The following GRID1 variants were observed in gnomAD, a reference collection of about 807,000 sequenced individuals.
GRID1 encodes glutamate receptor ionotropic, delta-1.
GRID1 carries 28 observed loss-of-function variants against 98.0 expected under a neutral mutation model. The ratio of observed to expected loss-of-function variants is 0.29; its 90% CI spans 0.21 to 0.39. GRID1 has a LOEUF of 0.39. GRID1 is among the 10% of genes least tolerant of loss of function. The pLI, the probability that GRID1 is intolerant of heterozygous loss-of-function variation, is 1.00. For missense variants in GRID1, 1,111 were observed against 1,340.5 expected, an observed-to-expected ratio of 0.83 and a Z score of 2.67; for synonymous variants, 553 against 538.5, an observed-to-expected ratio of 1.03 and a Z score of -0.37.
intron 6 of GRID1, among the ~76,000 whole-genome samples, chr10:85,863,819 G>T (rs540702461): frequency 6.6e-6 from 1 of 152,194 alleles, no homozygotes; most frequent in Admixed American, 6.5e-5. Flanking sequence ...CTTCAGTCAC[G>T]TTTTATTAGG....
chr10:85,972,247 C>G (rs1216737126), intron 4 of GRID1, among the ~76,000 whole-genome samples: 1 of 151,342 alleles, frequency 6.6e-6, no homozygotes, highest in Non-Finnish European at 1.5e-5. Context: ...TCCCCCGGTA[C>G]AGCTAGGACT....
Position 85,821,338 on chromosome 10 carries a change from G to A in GRID1, c.1233+33158C>T, listed in dbSNP as rs111995647. Among the ~76,000 whole-genome samples the A allele has an allele frequency of 5.7e-3, 860 of 151,450 alleles. 8 individuals carry two copies. The highest frequency in any genetic ancestry group is 0.02 in the African/African-American group (808 of 41,326). ...TTGGAGCCCAGCAGACCAACATGGT[G>A]AAACCCCATCTCTACTAAAAATACA... is the stretch of plus-strand genomic sequence containing the variant. On this transcript the variant is annotated intron_variant, in intron 8 of 15. Transcript: ENST00000327946.
At chr10:86,283,863 C>T (rs1200663992) in intron 2 of GRID1, among the ~76,000 whole-genome samples, 3 of 151,354 alleles carry the variant, frequency 2.0e-5, no homozygotes, top group Non-Finnish European at 2.9e-5. Flanking sequence ...TGTCCTCTCA[C>T]ACACATCTGC....
intron 4 of GRID1, among the ~76,000 whole-genome samples, chr10:85,969,655 CA>C (rs1370216163): frequency 6.6e-6 from 1 of 151,870 alleles, no homozygotes; most frequent in Non-Finnish European, 1.5e-5. Context: ...ATGAGAAAAA[CA>C]TACAGAATAT....
intron 5 of GRID1, among the ~76,000 whole-genome samples, chr10:85,911,008 G>A (rs956061825): frequency 1.1e-4 from 17 of 152,052 alleles, no homozygotes; most frequent in Admixed American, 1.1e-3. Flanking sequence ...CAAGAAAGAA[G>A]TCACTCATCC....
intron 13 of GRID1, among the ~76,000 whole-genome samples, chr10:85,622,083 A>G (rs576993819): frequency 9.9e-4 from 150 of 152,138 alleles, no homozygotes; most frequent in Non-Finnish European, 4.7e-4. Flanking sequence ...ATGGAAAGGG[A>G]CTCCAAGGAA....
At chr10:86,053,609 C>T (rs1297355407) in intron 4 of GRID1, among the ~76,000 whole-genome samples, 1 of 152,038 alleles carries the variant, frequency 6.6e-6, no homozygotes, top group African/African-American at 2.4e-5. Context: ...CCGCCTCGGC[C>T]TCCCAAAGTG....
At chr10:85,780,738 G>C (rs1240564504) in intron 8 of GRID1, among the ~76,000 whole-genome samples, 1 of 152,202 alleles carries the variant, frequency 6.6e-6, no homozygotes, top group African/African-American at 2.4e-5. Flanking sequence ...GTGGGATCCT[G>C]GGTGAGCTAC....
chr10:86,189,701 C>T (rs754441947), intron 3 of GRID1, among the ~76,000 whole-genome samples: 8 of 152,084 alleles, frequency 5.3e-5, no homozygotes, highest in African/African-American at 1.7e-4. Context: ...GGGTGCTGTG[C>T]GATGTTTATC....
intron 13 of GRID1, among the ~76,000 whole-genome samples, 197 bp from the exon 14 acceptor site, chr10:85,620,230 A>C (rs1253032894): frequency 1.3e-5 from 2 of 152,138 alleles, no homozygotes; most frequent in Non-Finnish European, 2.9e-5. Flanking sequence ...CTTTGACTAG[A>C]CATAAAAGGT....
At chr10:85,881,205 A>G (rs1417354791) in intron 5 of GRID1, among the ~76,000 whole-genome samples, 2 of 152,208 alleles carry the variant, frequency 1.3e-5, no homozygotes, top group South Asian at 2.1e-4. Flanking sequence ...TGCCCAAGGT[A>G]ATTTATAGAT....
chr10:86,050,386 T>C (rs771228384), intron 4 of GRID1, among the ~76,000 whole-genome samples: 2 of 152,268 alleles, frequency 1.3e-5, no homozygotes, highest in Non-Finnish European at 2.9e-5. Context: ...TTTAATAATG[T>C]GTGGATAAGT....
rs1359320484 is a variant in GRID1 at position 85,856,041 on chromosome 10, A to G, written c.1101T>C (p.Asp367=). ...KPWNGGRSML[D]TIKKGHITGL... ...CCCTCACACGTACCTTTTTGATGGT[A>G]TCCAGCATGGACCTCCCACCATTCC... is the stretch of plus-strand genomic sequence containing the variant. The change falls in exon 7 of 16, where the codon GAT becomes GAC. Residue 367 remains aspartate, a synonymous_variant. Coordinates refer to ENST00000327946, the MANE Select transcript of GRID1 (RefSeq NM_017551.3). The G allele has an allele frequency of 1.9e-6, 3 of 1,613,866 alleles. No individual in the cohort carries two copies. The highest frequency in any genetic ancestry group is 1.7e-5 in the Admixed American group (1 of 60,024).
At chr10:86,335,579 C>T (rs978426795) in intron 2 of GRID1, among the ~76,000 whole-genome samples, 1 of 152,218 alleles carries the variant, frequency 6.6e-6, no homozygotes, top group Admixed American at 6.5e-5. Flanking sequence ...CAATCTGGGA[C>T]ATACTGCTCT....
chr10:86,126,312 A>G (rs1029229609), intron 4 of GRID1, among the ~76,000 whole-genome samples: 25 of 151,982 alleles, frequency 1.6e-4, no homozygotes, highest in African/African-American at 5.8e-4. Context: ...AAAATTAGCC[A>G]GGCGTGGTGG....
intron 8 of GRID1, among the ~76,000 whole-genome samples, chr10:85,833,651 G>A (rs1325418119): frequency 1.3e-5 from 2 of 152,076 alleles, no homozygotes; most frequent in African/African-American, 4.8e-5. Flanking sequence ...CTGATGCTAA[G>A]ACCAGGATGG....
At chr10:86,191,143 C>G in intron 3 of GRID1, among the ~76,000 whole-genome samples, 1 of 152,126 alleles carries the variant, frequency 6.6e-6, no homozygotes, top group Middle Eastern at 3.2e-3. Flanking sequence ...GGCTTTTCAC[C>G]CTGGAGGAGC....
chr10:86,178,156 C>T (rs1211522482), intron 3 of GRID1, among the ~76,000 whole-genome samples: 5 of 152,234 alleles, frequency 3.3e-5, no homozygotes, highest in Non-Finnish European at 7.3e-5. Flanking sequence ...ACAAAATCTT[C>T]GAGTGAGCAG....
At chr10:86,097,891 T>C (rs1844243878) in intron 4 of GRID1, among the ~76,000 whole-genome samples, 1 of 152,074 alleles carries the variant, frequency 6.6e-6, no homozygotes, top group Admixed American at 6.6e-5. Context: ...TCCAATCACT[T>C]CTTGAGAAAA....
Sources: gnomAD v4.1 joint callset for allele counts (sites outside exome capture counted in the v4.1 genomes callset) on GRCh38, gnomAD v4.1.1 for gene constraint, MANE v1.5 for transcripts, NCBI Gene and HGNC (gene_info 2026-07-23, HGNC 2026-07-21) for gene names.